CPEB4: variants seen among roughly 807,000 people sequenced by gnomAD.
The protein encoded by CPEB4 is cytoplasmic polyadenylation element binding protein 4, also known as cytoplasmic polyadenylation element-binding protein 4.
CPEB4 carries 12 observed loss-of-function variants against 72.5 expected under a neutral mutation model. That is an observed-to-expected ratio of 0.17 (90% CI 0.11 to 0.27). The LOEUF (loss-of-function observed/expected upper bound fraction) is 0.27. Among genes scored for constraint, CPEB4 ranks in the 10% least tolerant of loss-of-function variants. The pLI is 1.00. For missense variants in CPEB4, 614 were observed against 908.5 expected (o/e 0.68, Z 4.17); for synonymous variants, 302 against 326.3 (o/e 0.93, Z 0.80).
intron 5 of CPEB4, among the ~76,000 whole-genome samples, chr5:173,947,652 A>G (rs72812840): frequency 0.22 from 33,788 of 152,172 alleles, 4,972 homozygotes; most frequent in Non-Finnish European, 0.31. Context: ...AAATATCAAT[A>G]TGAACTCATT....
At chr5:173,910,032 T>G (rs1756587312) in intron 1 of CPEB4, among the ~76,000 whole-genome samples, 1 of 151,682 alleles carries the variant, frequency 6.6e-6, no homozygotes, top group Non-Finnish European at 1.5e-5. Flanking sequence ...TTTTTTTTTT[T>G]GTATGCTTTA....
intron 1 of CPEB4, among the ~76,000 whole-genome samples, chr5:173,895,442 C>G (rs1755970809): frequency 2.0e-5 from 3 of 152,204 alleles, no homozygotes; most frequent in African/African-American, 7.2e-5. Flanking sequence ...GTCACAAAGA[C>G]TATCCTAAAA....
chr5:173,952,304 A>G (rs972185927), intron 8 of CPEB4, among the ~76,000 whole-genome samples: 2 of 152,208 alleles, frequency 1.3e-5, no homozygotes, highest in East Asian at 3.8e-4. Context: ...CTGAAAAGAA[A>G]AAAAGTCCTT....
intron 2 of CPEB4, among the ~76,000 whole-genome samples, chr5:173,930,990 CAA>C (rs11322497): frequency 6.3e-3 from 506 of 80,034 alleles, no homozygotes; most frequent in East Asian, 0.012. Flanking sequence ...GACTCTGTCT[CAA>C]AAAAAAAAAA....
At position 173,900,724 on chromosome 5, in the gene CPEB4, T is replaced by C. The variant is rs772558958; in HGVS notation, c.1126-9799T>C. Among the ~76,000 whole-genome samples, 2 of 152,184 alleles carry C rather than the reference T, an allele frequency of 1.3e-5. No homozygotes were observed. Among genetic ancestry groups the C allele is most frequent in the African/African-American group, 2.4e-5 (1 of 41,446 alleles). Reference sequence around the variant, plus strand: ...CTGACTTATTCAGATACAACCGATATCTAATTTAAAATGTGAGTTTCATGC... The same window carrying C: ...CTGACTTATTCAGATACAACCGATACCTAATTTAAAATGTGAGTTTCATGC... On this transcript the variant is annotated intron_variant, in intron 1 of 9. Coordinates refer to ENST00000265085, the MANE Select transcript of CPEB4 (RefSeq NM_030627.4). This position sits in a 1 kb window ranked among gnomAD's most constrained non-coding sequence, Gnocchi z 4.4.
intron 3 of CPEB4, among the ~76,000 whole-genome samples, chr5:173,938,169 C>T (rs1757695393): frequency 1.3e-5 from 2 of 152,038 alleles, no homozygotes; most frequent in African/African-American, 4.8e-5. Context: ...CTAATTTCTA[C>T]ACTCCTCTCC....
intron 2 of CPEB4, among the ~76,000 whole-genome samples, chr5:173,914,409 T>C (rs1290812054): frequency 6.6e-6 from 1 of 152,104 alleles, no homozygotes; most frequent in African/African-American, 2.4e-5. Context: ...ATTTTGAAAA[T>C]AAATAAATAA....
intron 5 of CPEB4, among the ~76,000 whole-genome samples, chr5:173,945,493 C>A (rs1757988374): frequency 6.6e-6 from 1 of 152,180 alleles, no homozygotes. Flanking sequence ...TTTCCCCCCA[C>A]ATTTTATGAG....
chr5:173,955,497 G>T lies in CPEB4; in HGVS notation c.1963-413G>T, dbSNP rs1011263570. ...CCAACTTGAATATTGAAGTGCAGTT[G>T]TGTGGAACTTGGATCATCTTAGTTG... On this transcript the variant is annotated intron_variant, in intron 9 of 9. Transcript: ENST00000265085. The surrounding 1 kb of genome is among the most constrained non-coding windows in gnomAD (Gnocchi z 4.7). Among the ~76,000 whole-genome samples, 2 of 152,172 alleles carry T rather than the reference G, an allele frequency of 1.3e-5. No individual in the cohort carries two copies. Among genetic ancestry groups the T allele is most frequent in the Non-Finnish European group, 2.9e-5 (2 of 68,032 alleles).
intron 1 of CPEB4, among the ~76,000 whole-genome samples, chr5:173,902,884 T>C (rs1205817201): frequency 6.6e-6 from 1 of 152,184 alleles, no homozygotes; most frequent in East Asian, 1.9e-4. Context: ...CAGTATATAC[T>C]ATGTATTTTC....
rs537912727 is a variant in CPEB4, at chr5:173,949,532, G to T, written c.1481G>T (p.Arg494Leu). ...GATGAGATCACAGCTAGTTTTCGTC[G>T]CTTTGGCCCTCTGATTGTGGATTGG... ...DEDEITASFR[R>L]FGPLIVDWPH... is the part of the protein sequence containing the mutation. The change falls in exon 6 of 10, where the codon CGC (arginine) becomes CTC (leucine). Residue 494 changes from arginine to leucine, a missense_variant. By Grantham distance (102) the Arg-to-Leu change is moderately radical. Around this residue, in one of 5 missense-constraint regions of CPEB4, gnomAD observed 25 missense variants for 68.9 expected, o/e 0.36. Transcript: ENST00000265085. 1.2e-6 allele frequency: 2 copies of T among 1,613,070 alleles called. No homozygotes were observed. The highest frequency in any genetic ancestry group is 2.2e-5 in the South Asian group (2 of 90,996).
Position 173,959,216 on chromosome 5 carries a change from A to G in CPEB4, c.*3079A>G, listed in dbSNP as rs896271950. ...CTAGCATGGCGCCAGCCATGTACTT[A>G]CAATGTAGTTACAGAGTAATTACAT... On this transcript the variant is annotated 3_prime_UTR_variant, in exon 10 of 10. Transcript: ENST00000265085. 1 of 152,800 alleles carries G rather than the reference A, an allele frequency of 6.5e-6. No homozygotes were observed. The highest frequency in any genetic ancestry group is 6.5e-5 in the Admixed American group (1 of 15,286). The allele number at this position is 152,800 out of a possible 1,614,324, so 9.5% of individuals were successfully genotyped here. A position where few individuals can be genotyped will look rare whatever the true frequency, so the allele number is the denominator to read the frequency against.
At chr5:173,943,184 AC>A (rs1235525792) in intron 4 of CPEB4, 135 bp downstream of exon 4, 2 of 805,868 alleles carry the variant, frequency 2.5e-6, no homozygotes, top group African/African-American at 3.5e-5. Flanking sequence ...TTTTTGTGTT[AC>A]AGTTAACATT....
At chr5:173,914,613 G>A (rs564376524) in intron 2 of CPEB4, among the ~76,000 whole-genome samples, 2 of 152,134 alleles carry the variant, frequency 1.3e-5, no homozygotes, top group East Asian at 1.9e-4. Flanking sequence ...AAAATTATCC[G>A]GGCGTGGTAG....
chr5:173,939,051 G>A (rs1757731984), intron 3 of CPEB4, among the ~76,000 whole-genome samples: 1 of 152,118 alleles, frequency 6.6e-6, no homozygotes, highest in African/African-American at 2.4e-5. Flanking sequence ...ACTTGGGGAG[G>A]CCCAGGTGGA....
At chr5:173,897,314 A>G (rs1756051661) in intron 1 of CPEB4, among the ~76,000 whole-genome samples, 1 of 152,232 alleles carries the variant, frequency 6.6e-6, no homozygotes, top group Admixed American at 6.5e-5. Flanking sequence ...GCATACATTA[A>G]AGGAGACTAC....
In CPEB4 at chr5:173,900,408, A is replaced by G. The variant is rs1471730730; in HGVS notation, c.1125+9550A>G. On this transcript the variant is annotated intron_variant, in intron 1 of 9. Transcript: ENST00000265085. This position sits in a 1 kb window ranked among gnomAD's most constrained non-coding sequence, Gnocchi z 4.4. ...CAACAACAGCGGAACTCTGTCTCAA[A>G]AAAAAAAAAAGTTGTACATTAGGGT... is the stretch of plus-strand genomic sequence containing the variant. Among the ~76,000 whole-genome samples, 1 of 151,834 alleles carries G rather than the reference A, an allele frequency of 6.6e-6. No homozygotes were observed. The highest frequency in any genetic ancestry group is 1.5e-5 in the Non-Finnish European group (1 of 67,880).
intron 1 of CPEB4, among the ~76,000 whole-genome samples, chr5:173,903,376 C>T (rs184742151): frequency 1.3e-5 from 2 of 152,284 alleles, no homozygotes; most frequent in African/African-American, 4.8e-5. Context: ...CATAGCTGGC[C>T]AACTAGGATA....
intron 5 of CPEB4, among the ~76,000 whole-genome samples, chr5:173,946,847 AC>A (rs1758030209): frequency 6.6e-6 from 1 of 152,076 alleles, no homozygotes; most frequent in Non-Finnish European, 1.5e-5. Flanking sequence ...TTCCCTGTTT[AC>A]TAGACTCACA....
Sources: allele counts gnomAD v4.1 joint callset (sites outside exome capture counted in the v4.1 genomes callset), GRCh38; gene constraint gnomAD v4.1.1; regional missense constraint gnomAD v4.1.1; non-coding constraint Gnocchi (gnomAD v3.1); transcripts MANE v1.5; gene names NCBI Gene and HGNC (gene_info 2026-07-23, HGNC 2026-07-21).